MTUS2: variants seen among roughly 807,000 people sequenced by gnomAD.
The protein encoded by MTUS2 is microtubule associated scaffold protein 2.
In MTUS2, 40 loss-of-function variants were observed where a neutral mutation model predicts 114.1. The ratio of observed to expected loss-of-function variants is 0.35; its 90% confidence interval spans 0.27 to 0.46. The LOEUF (loss-of-function observed/expected upper bound fraction) is 0.46. MTUS2 is among the 20% of genes least tolerant of loss of function. The probability of loss-of-function intolerance (pLI) is 1.00; values close to 1 mark genes in which losing one functional copy is unlikely to be tolerated. For missense variants in MTUS2, 1,679 were observed against 1,705.4 expected (o/e 0.98, Z 0.27); for synonymous variants, 688 against 672.0 (o/e 1.02, Z -0.37).
chr13:29,135,365 C>T (rs533162326), intron 5 of MTUS2, among the ~76,000 whole-genome samples: 1 of 152,294 alleles, frequency 6.6e-6, no homozygotes, highest in Admixed American at 6.5e-5. Context: ...CTTTTGGTTA[C>T]TGTTTGCATA....
rs145261798 is a variant in MTUS2, at chr13:28,992,270, G to T, written c.-242-32187G>T. Among the ~76,000 whole-genome samples the T allele has an allele frequency of 2.4e-3, 368 of 152,348 alleles. 2 individuals carry two copies. The highest frequency in any genetic ancestry group is 8.2e-3 in the African/African-American group (341 of 41,582). On this transcript the variant is annotated intron_variant, in intron 2 of 15. Coordinates refer to ENST00000612955, the MANE Select transcript of MTUS2 (RefSeq NM_001033602.4). ...TCATGGAGCCTGCCTGGGGGAGGTAGATGGAGAAAGGGAAAACAGAAGAAA... is the reference window on the plus strand; with the variant it reads ...TCATGGAGCCTGCCTGGGGGAGGTATATGGAGAAAGGGAAAACAGAAGAAA...
intron 2 of MTUS2, among the ~76,000 whole-genome samples, chr13:28,872,911 A>T (rs1877709919): frequency 6.6e-6 from 1 of 152,210 alleles, no homozygotes; most frequent in Non-Finnish European, 1.5e-5. Context: ...ATCTGATGAA[A>T]GATATGATAG....
At chr13:29,472,290 G>A (rs1880378046) in intron 9 of MTUS2, among the ~76,000 whole-genome samples, 1 of 152,132 alleles carries the variant, frequency 6.6e-6, no homozygotes, top group African/African-American at 2.4e-5. Context: ...CCAAAGTGCT[G>A]GGATTACAGG....
rs151296086 is a variant in MTUS2, at chr13:29,331,102, C to G, written c.2905+6391C>G. Reference sequence around the variant, plus strand: ...GTTTTTCCATTTGTTTGTGTCCTCTCTTATTTCATTGGGCAGTGGTTTGTA... The same window carrying G: ...GTTTTTCCATTTGTTTGTGTCCTCTGTTATTTCATTGGGCAGTGGTTTGTA... On this transcript the variant is annotated intron_variant, in intron 7 of 15. Transcript: ENST00000612955. Among the ~76,000 whole-genome samples the G allele has an allele frequency of 9.7e-4, 148 of 152,232 alleles. 2 individuals are homozygous for G. In the East Asian group the frequency reaches 0.028, roughly 29 times the overall value.
intron 6 of MTUS2, among the ~76,000 whole-genome samples, chr13:29,291,387 A>G (rs371048073): frequency 6.6e-6 from 1 of 152,188 alleles, no homozygotes; most frequent in Non-Finnish European, 1.5e-5. Flanking sequence ...TTAAGCCTCC[A>G]TTTTTGTTTT....
At chr13:29,180,126 C>T (rs17072909) in intron 5 of MTUS2, among the ~76,000 whole-genome samples, 3,730 of 152,148 alleles carry the variant, frequency 0.025, 150 homozygotes, top group African/African-American at 0.085. Flanking sequence ...CCTGTAAAAC[C>T]CTCTTCTAAG....
At chr13:29,384,738 C>T (rs985277697) in intron 8 of MTUS2, among the ~76,000 whole-genome samples, 8 of 152,236 alleles carry the variant, frequency 5.3e-5, no homozygotes, top group African/African-American at 1.9e-4. Flanking sequence ...TAACGAGACA[C>T]AGGCTTTCCT....
chr13:29,157,771 G>A (rs1892921063), intron 5 of MTUS2, among the ~76,000 whole-genome samples: 1 of 151,924 alleles, frequency 6.6e-6, no homozygotes, highest in Non-Finnish European at 1.5e-5. Flanking sequence ...TTTATACCTA[G>A]GTTAGGATAT....
At chr13:29,348,956 T>C (rs998105262) in intron 7 of MTUS2, among the ~76,000 whole-genome samples, 1 of 152,208 alleles carries the variant, frequency 6.6e-6, no homozygotes, top group African/African-American at 2.4e-5. Flanking sequence ...AGGTTTCTTA[T>C]AGGCCTCATG....
rs554258914 is a variant in MTUS2 at position 29,497,175 on chromosome 13, C to A, written c.3580-63C>A. ...GTGGTGGCCTGCTGATCACAGCTGC[C>A]CAGGCTGTGGTGGCTGCTGTCTGTA... On this transcript the variant is annotated intron_variant, in intron 12 of 15. Transcript: ENST00000612955. The A allele has an allele frequency of 1.2e-4, 176 of 1,444,062 alleles. No individual in the cohort carries two copies. The South Asian group carries it at 1.9e-3, about 16-fold the overall frequency. The allele number at this position is 1,444,062 out of a possible 1,614,324, so 89.5% of individuals were successfully genotyped here.
intron 2 of MTUS2, among the ~76,000 whole-genome samples, chr13:28,849,803 C>T (rs982417141): frequency 6.6e-6 from 1 of 152,068 alleles, no homozygotes; most frequent in Non-Finnish European, 1.5e-5. Context: ...GTCTAGAATG[C>T]TGTTTTCCCT....
chr13:28,836,018 T>C (rs962399961), intron 1 of MTUS2, among the ~76,000 whole-genome samples: 4 of 152,108 alleles, frequency 2.6e-5, no homozygotes, highest in Non-Finnish European at 5.9e-5. Flanking sequence ...GGTTTATTAA[T>C]AAGGAGGAGT....
At chr13:29,302,923 C>A (rs9508337) in intron 6 of MTUS2, among the ~76,000 whole-genome samples, 1 of 152,134 alleles carries the variant, frequency 6.6e-6, no homozygotes, top group East Asian at 1.9e-4. Context: ...GTCAGTACCC[C>A]CTGGGATGGA....
intron 8 of MTUS2, among the ~76,000 whole-genome samples, chr13:29,416,586 C>A (rs949026007): frequency 6.6e-6 from 1 of 152,026 alleles, no homozygotes. Flanking sequence ...AAAGCTCATA[C>A]ACTATCCAAT....
chr13:28,866,648 T>C (rs968388043), intron 2 of MTUS2, among the ~76,000 whole-genome samples: 2 of 152,222 alleles, frequency 1.3e-5, no homozygotes, highest in Admixed American at 6.5e-5. Flanking sequence ...AAGATGCCTT[T>C]GTATAAGATT....
At chr13:28,901,322 A>G (rs908065886) in intron 2 of MTUS2, among the ~76,000 whole-genome samples, 1 of 152,126 alleles carries the variant, frequency 6.6e-6, no homozygotes, top group Non-Finnish European at 1.5e-5. Flanking sequence ...TTCTCTTTTT[A>G]TCCCCTTGAC....
At chr13:29,214,535 C>T (rs1895598721) in intron 5 of MTUS2, among the ~76,000 whole-genome samples, 1 of 152,110 alleles carries the variant, frequency 6.6e-6, no homozygotes, top group Admixed American at 6.6e-5. Context: ...CCTTCAGGAG[C>T]ATCTTATAAG....
chr13:29,084,390 T>A (rs1407915123), intron 4 of MTUS2, among the ~76,000 whole-genome samples: 1 of 152,030 alleles, frequency 6.6e-6, no homozygotes, highest in Non-Finnish European at 1.5e-5. Flanking sequence ...CAACTGTTGT[T>A]GTTACTGAGC....
At chr13:28,977,575 T>C (rs1884172158) in intron 2 of MTUS2, among the ~76,000 whole-genome samples, 1 of 152,166 alleles carries the variant, frequency 6.6e-6, no homozygotes, top group Non-Finnish European at 1.5e-5. Flanking sequence ...CAAAATAGAG[T>C]TTTGTAACAC....
Sources: gnomAD v4.1 joint callset for allele counts (sites outside exome capture counted in the v4.1 genomes callset) on GRCh38, gnomAD v4.1.1 for gene constraint, MANE v1.5 for transcripts, NCBI Gene and HGNC (gene_info 2026-07-23, HGNC 2026-07-21) for gene names.